The following NOVA2 variants were observed in gnomAD, a reference collection of about 807,000 sequenced individuals.
NOVA2 encodes NOVA alternative splicing regulator 2.
In NOVA2, 9 loss-of-function variants were observed where a neutral mutation model predicts 22.5. The observed-to-expected ratio is 0.40, with a 90% CI of 0.24 to 0.70. The LOEUF (loss-of-function observed/expected upper bound fraction) is 0.70. NOVA2 is among the 30% of genes least tolerant of loss of function. NOVA2 has a pLI of 0.38. For missense variants in NOVA2, 383 were observed against 682.8 expected (o/e 0.56, Z 4.89); for synonymous variants, 318 against 335.2 (o/e 0.95, Z 0.56).
chr19:45,959,844 A>AGAGAGAGAG (rs1178151005), intron 2 of NOVA2, among the ~76,000 whole-genome samples: 1 of 90,468 alleles, frequency 1.1e-5, no homozygotes, highest in East Asian at 3.1e-4. Context: ...GAGAGAGAGA[A>AGAGAGAGAG]AGAGAGAGAG....
At chr19:45,941,862 C>T (rs1967764413) in intron 3 of NOVA2, among the ~76,000 whole-genome samples, 1 of 152,186 alleles carries the variant, frequency 6.6e-6, no homozygotes, top group South Asian at 2.1e-4. Context: ...TTAGTACTTC[C>T]TCTGCGTCCA....
At chr19:45,959,743 T>G (rs1600614055) in intron 2 of NOVA2, among the ~76,000 whole-genome samples, 2 of 118,762 alleles carry the variant, frequency 1.7e-5, no homozygotes, top group Admixed American at 1.0e-4. Flanking sequence ...AGAGAGAGAA[T>G]GAGAGAGAAA....
At position 45,973,380 on chromosome 19, in the gene NOVA2, TGCTGCGGCG is replaced by T. The variant is rs756499425; in HGVS notation, c.-38_-30del. On this transcript the variant is annotated 5_prime_UTR_variant, in exon 1 of 4. Transcript: ENST00000263257. The stretch of plus-strand genomic sequence containing the variant: ...GGGGGCCTGGGGCGGCGGCTGCTGC[TGCTGCGGCG>T]GCTGCGGCGGCGGCGGCGGCGGCTG... 1.7e-4 allele frequency: 129 copies of T among 743,842 alleles called. No homozygotes were observed. In the East Asian group the frequency reaches 1.8e-3, roughly 10 times the overall value. 46.1% of individuals were successfully genotyped at this position (743,842 alleles called of 1,614,324 possible). A position where few individuals can be genotyped will look rare whatever the true frequency, so the allele number is the denominator to read the frequency against.
chr19:45,954,519 G>C (rs1967974548), intron 2 of NOVA2, among the ~76,000 whole-genome samples: 1 of 152,052 alleles, frequency 6.6e-6, no homozygotes, highest in African/African-American at 2.4e-5. Flanking sequence ...CTGGGGGATG[G>C]GGGAGGCAGA....
intron 1 of NOVA2, chr19:45,962,131 A>C (rs117043098): frequency 0.021 from 3,297 of 153,626 alleles, 44 homozygotes; most frequent in Non-Finnish European, 0.032. Flanking sequence ...AGACCGTGAG[A>C]AGCAACGGTG....
At chr19:45,941,935 A>G (rs1029910092) in intron 3 of NOVA2, among the ~76,000 whole-genome samples, 1 of 152,096 alleles carries the variant, frequency 6.6e-6, no homozygotes, top group African/African-American at 2.4e-5. Context: ...AAGCTTGCAC[A>G]ATGGCCCACC....
Position 45,940,666 on chromosome 19 carries a change from G to C in NOVA2, c.676C>G (p.Pro226Ala). 6.3e-7 allele frequency: 1 copy of C among 1,592,986 alleles called. No individual in the cohort carries two copies. Among genetic ancestry groups the C allele is most frequent in the Non-Finnish European group, 8.5e-7 (1 of 1,171,868 alleles). Residue 226 changes from proline (P) to alanine (A), a missense_variant, in exon 4 of 4, where the codon CCC becomes GCC. By Grantham distance (27) the Pro-to-Ala change is conservative. Coordinates refer to ENST00000263257, the MANE Select transcript of NOVA2 (RefSeq NM_002516.4). ...NVAGPVANSN[P>A]TGSPYASPAD... ...GGGCTGGCGTACGGAGAGCCGGTGGGGTTGGAGTTGGCCACGGGGCCTGCC... is the reference window on the plus strand; with the variant it reads ...GGGCTGGCGTACGGAGAGCCGGTGGCGTTGGAGTTGGCCACGGGGCCTGCC...
intron 3 of NOVA2, among the ~76,000 whole-genome samples, chr19:45,949,227 G>A (rs1295849225): frequency 1.3e-5 from 2 of 150,588 alleles, no homozygotes; most frequent in East Asian, 3.9e-4. Context: ...ACTGATGTAC[G>A]ACTCTGTGAA....
intron 3 of NOVA2, among the ~76,000 whole-genome samples, chr19:45,945,036 G>A (rs529393409): frequency 2.0e-5 from 3 of 152,300 alleles, no homozygotes; most frequent in East Asian, 3.9e-4. Flanking sequence ...GCCAGGCTCG[G>A]TGGCTTATGC....
At chr19:45,942,018 A>G (rs1967767287) in intron 3 of NOVA2, among the ~76,000 whole-genome samples, 1 of 152,116 alleles carries the variant, frequency 6.6e-6, no homozygotes, top group South Asian at 2.1e-4. Context: ...TTTACAGATG[A>G]GCCTCTTGAG....
chr19:45,947,351 T>C (rs1318570868), intron 3 of NOVA2, among the ~76,000 whole-genome samples: 1 of 152,012 alleles, frequency 6.6e-6, no homozygotes, highest in East Asian at 1.9e-4. Context: ...AGCAGGTGTA[T>C]CTTACCTGGT....
At chr19:45,950,994 GC>G (rs1967917133) in intron 3 of NOVA2, among the ~76,000 whole-genome samples, 1 of 152,132 alleles carries the variant, frequency 6.6e-6, no homozygotes, top group African/African-American at 2.4e-5. Flanking sequence ...AGATTCCTAA[GC>G]CTTACCAGAA....
At chr19:45,971,784 C>A (rs1968235597) in intron 1 of NOVA2, among the ~76,000 whole-genome samples, 1 of 152,036 alleles carries the variant, frequency 6.6e-6, no homozygotes, top group Non-Finnish European at 1.5e-5. Flanking sequence ...TTGTCCGCTG[C>A]GGGGTCTCCC....
chr19:45,944,579 T>TC (rs1430174538), intron 3 of NOVA2, among the ~76,000 whole-genome samples: 7 of 152,236 alleles, frequency 4.6e-5, no homozygotes, highest in African/African-American at 1.4e-4. Flanking sequence ...ACATGGTATA[T>TC]CCATACAATG....
At position 45,966,066 on chromosome 19, in the gene NOVA2, T is replaced by G. The variant is rs74806377; in HGVS notation, c.86-4913A>C. ...GGTTGAGAGGTAGGAGGAGGGGTGA[T>G]CCTACTTTGTTAATCACCCATTTCC... On this transcript the variant is annotated intron_variant, in intron 1 of 3. Transcript: ENST00000263257. 9.9e-3 allele frequency among the ~76,000 whole-genome samples: 1,513 copies of G among 152,158 alleles called. 24 individuals are homozygous for G. The highest frequency in any genetic ancestry group is 0.035 in the African/African-American group (1,433 of 41,526).
At chr19:45,965,527 G>T (rs899335910) in intron 1 of NOVA2, among the ~76,000 whole-genome samples, 1 of 152,124 alleles carries the variant, frequency 6.6e-6, no homozygotes, top group Non-Finnish European at 1.5e-5. Context: ...TCATGAGTTC[G>T]AGACCAGCCT....
In NOVA2 at chr19:45,940,682, G is replaced by T; in HGVS notation, c.660C>A (p.Pro220=). The T allele has an allele frequency of 6.3e-7, 1 of 1,599,428 alleles. No individual in the cohort carries two copies. ...LNISYANVAG[P]VANSNPTGSP... ...AGCCGGTGGGGTTGGAGTTGGCCACGGGGCCTGCCACGTTGGCGTAGCTGA... is the reference window on the plus strand; with the variant it reads ...AGCCGGTGGGGTTGGAGTTGGCCACTGGGCCTGCCACGTTGGCGTAGCTGA... The change falls in exon 4 of 4, where the codon CCC becomes CCA. Residue 220 remains proline, a synonymous_variant. Coordinates refer to ENST00000263257, the MANE Select transcript of NOVA2 (RefSeq NM_002516.4).
At chr19:45,949,983 C>T (rs1280277895) in intron 3 of NOVA2, among the ~76,000 whole-genome samples, 8 of 151,858 alleles carry the variant, frequency 5.3e-5, no homozygotes, top group East Asian at 1.9e-4. Flanking sequence ...TCAAGTAATC[C>T]GCCCACCTCG....
chr19:45,959,613 G>A (rs1968063951), intron 2 of NOVA2, among the ~76,000 whole-genome samples: 1 of 151,966 alleles, frequency 6.6e-6, no homozygotes, highest in Non-Finnish European at 1.5e-5. Flanking sequence ...AGGAGGAGGT[G>A]TGCCTGGTTC....
Sources: allele counts gnomAD v4.1 joint callset (sites outside exome capture counted in the v4.1 genomes callset), GRCh38; gene constraint gnomAD v4.1.1; transcripts MANE v1.5; gene names NCBI Gene and HGNC (gene_info 2026-07-23, HGNC 2026-07-21).